Variants in LDAH observed in about 807,000 individuals in gnomAD.
The protein encoded by LDAH is lipid droplet-associated hydrolase.
In LDAH, 26 loss-of-function variants were observed where a neutral mutation model predicts 29.6. The observed-to-expected ratio is 0.88, with a 90% CI of 0.64 to 1.22. The LOEUF is 1.22. Among genes scored for constraint, LDAH ranks in the 50% most tolerant of loss-of-function variants. The pLI, the probability that LDAH is intolerant of heterozygous loss-of-function variation, is 0.00. For synonymous variants in LDAH, 117 were observed against 133.0 expected (o/e 0.88, Z 0.83); for missense variants, 344 against 387.3 (o/e 0.89, Z 0.94).
At chr2:20,749,377 A>G (rs957154826) in intron 4 of LDAH, among the ~76,000 whole-genome samples, 2 of 152,216 alleles carry the variant, frequency 1.3e-5, no homozygotes, top group Admixed American at 1.3e-4. Flanking sequence ...ATTATTCCCT[A>G]TTTAACTTTA....
intron 4 of LDAH, among the ~76,000 whole-genome samples, chr2:20,756,478 A>C (rs979290813): frequency 5.9e-5 from 9 of 152,178 alleles, no homozygotes; most frequent in Non-Finnish European, 1.3e-4. Context: ...GCAGGAGCCC[A>C]AAAACTCTAA....
chr2:20,683,636 A>G (rs1323403386), downstream of LDAH, among the ~76,000 whole-genome samples: 1 of 152,254 alleles, frequency 6.6e-6, no homozygotes, highest in African/African-American at 2.4e-5. Context: ...ATCCCTGCGT[A>G]AGAGCCAAAA....
intron 5 of LDAH, among the ~76,000 whole-genome samples, chr2:20,710,224 T>C (rs1664615506): frequency 6.6e-6 from 1 of 152,052 alleles, no homozygotes; most frequent in Non-Finnish European, 1.5e-5. Context: ...TATTAAGATA[T>C]TACAAATATC....
intron 1 of LDAH, among the ~76,000 whole-genome samples, chr2:20,813,412 CAA>C (rs759250378): frequency 6.6e-6 from 1 of 152,102 alleles, no homozygotes; most frequent in Non-Finnish European, 1.5e-5. Flanking sequence ...CCTGCCAAGT[CAA>C]AGAGTTTATA....
At chr2:20,749,429 C>A (rs565788964) in intron 4 of LDAH, among the ~76,000 whole-genome samples, 1 of 152,282 alleles carries the variant, frequency 6.6e-6, no homozygotes, top group South Asian at 2.1e-4. Flanking sequence ...GTTCCATATA[C>A]TAAAATGCCA....
chr2:20,740,892 T>C (rs763642487), intron 4 of LDAH, among the ~76,000 whole-genome samples: 40 of 152,230 alleles, frequency 2.6e-4, no homozygotes, highest in Non-Finnish European at 5.6e-4. Flanking sequence ...CAGTAATGAA[T>C]GAGAGGTGCT....
At chr2:20,691,892 T>C (rs182156615) in intron 6 of LDAH, among the ~76,000 whole-genome samples, 25 of 152,356 alleles carry the variant, frequency 1.6e-4, no homozygotes, top group Admixed American at 1.5e-3. Flanking sequence ...TCTGGGCTTA[T>C]AGATGAACTT....
chr2:20,809,010 G>A (rs1672285238), intron 1 of LDAH, among the ~76,000 whole-genome samples: 1 of 152,026 alleles, frequency 6.6e-6, no homozygotes. Flanking sequence ...GAACAATAAA[G>A]CTTCCAAAAG....
intron 5 of LDAH, among the ~76,000 whole-genome samples, chr2:20,711,627 C>T (rs2149376634): frequency 6.6e-6 from 1 of 152,332 alleles, no homozygotes; most frequent in Non-Finnish European, 1.5e-5. Flanking sequence ...ATTTCCCTTT[C>T]CTAGCCAAGA....
At chr2:20,688,827 CCTTTTTTTT>C (rs1337049152) in intron 6 of LDAH, among the ~76,000 whole-genome samples, 4 of 93,172 alleles carry the variant, frequency 4.3e-5, no homozygotes, top group Non-Finnish European at 8.3e-5. Flanking sequence ...ATGGAGGTTT[CCTTTTTTTT>C]TTTTTTTTTT....
Position 20,745,014 on chromosome 2 carries a change from T to C in LDAH, c.469-4809A>G, listed in dbSNP as rs145726926. 4.7e-3 allele frequency among the ~76,000 whole-genome samples: 722 copies of C among 152,298 alleles called. 6 individuals carry two copies. Among genetic ancestry groups the C allele is most frequent in the African/African-American group, 0.016 (685 of 41,554 alleles). On this transcript the variant is annotated intron_variant, in intron 4 of 6. Coordinates refer to ENST00000237822, the MANE Select transcript of LDAH (RefSeq NM_021925.4). ...TCCCCTATCCTGGGTCCGATAAGAA[T>C]TGATTTCTCAGTTTGCTTAGCTTTT...
intron 5 of LDAH, among the ~76,000 whole-genome samples, chr2:20,736,169 C>A (rs887461369): frequency 1.3e-5 from 2 of 152,100 alleles, no homozygotes; most frequent in African/African-American, 2.4e-5. Context: ...AGGCCAGGTG[C>A]GGTGGCTCAC....
At chr2:20,732,704 T>G (rs566924614) in intron 5 of LDAH, among the ~76,000 whole-genome samples, 1 of 152,354 alleles carries the variant, frequency 6.6e-6, no homozygotes, top group East Asian at 1.9e-4. Context: ...ATTATCCTTT[T>G]GATGGGTGCA....
At chr2:20,760,089 C>A (rs1478594762) in intron 4 of LDAH, among the ~76,000 whole-genome samples, 1 of 152,118 alleles carries the variant, frequency 6.6e-6, no homozygotes, top group Non-Finnish European at 1.5e-5. Context: ...TGCTTATCAA[C>A]AACCCAAATT....
At chr2:20,747,206 A>G (rs904993853) in intron 4 of LDAH, among the ~76,000 whole-genome samples, 2 of 152,106 alleles carry the variant, frequency 1.3e-5, no homozygotes, top group African/African-American at 2.4e-5. Flanking sequence ...AGCTTATTAC[A>G]GATGCATCCA....
At chr2:20,692,616 T>C (rs555123634) in intron 6 of LDAH, among the ~76,000 whole-genome samples, 88 of 152,368 alleles carry the variant, frequency 5.8e-4, no homozygotes, top group African/African-American at 2.1e-3. Flanking sequence ...ATATATTTGT[T>C]GTTGGTGTTA....
chr2:20,711,559 A>G (rs929908278), intron 5 of LDAH, among the ~76,000 whole-genome samples: 4 of 152,088 alleles, frequency 2.6e-5, no homozygotes, highest in Non-Finnish European at 4.4e-5. Context: ...CAGCCCAGGG[A>G]GGGTGAGCCA....
chr2:20,767,650 G>A (rs62124021), intron 4 of LDAH, among the ~76,000 whole-genome samples: 2,529 of 152,298 alleles, frequency 0.017, 50 homozygotes, highest in Non-Finnish European at 0.021. Flanking sequence ...GGCCCCACCT[G>A]CAGGCCAGGG....
chr2:20,801,539 AT>A lies in LDAH; in HGVS notation c.-2-75del, dbSNP rs1671664183. ...CTTGAGCCAAAGACAAAATTCAAGA[AT>A]AAAAAAGGGCAAGTTTCAATATACC... is the stretch of plus-strand genomic sequence containing the variant. On this transcript the variant is annotated intron_variant, in intron 1 of 6. Transcript: ENST00000237822. The A allele has an allele frequency of 2.3e-6, 3 of 1,315,916 alleles. No homozygotes were observed. The Admixed American group carries it at 5.8e-5, about 25-fold the overall frequency. 81.5% of individuals were successfully genotyped at this position (1,315,916 alleles called of 1,614,324 possible). A position where few individuals can be genotyped will look rare whatever the true frequency, so the allele number is the denominator to read the frequency against.
Sources: allele counts gnomAD v4.1 joint callset (sites outside exome capture counted in the v4.1 genomes callset), GRCh38; gene constraint gnomAD v4.1.1; transcripts MANE v1.5; gene names NCBI Gene and HGNC (gene_info 2026-07-23, HGNC 2026-07-21).